IL1RAPL1: variants seen among roughly 807,000 people sequenced by gnomAD.
IL1RAPL1 encodes interleukin-1 receptor accessory protein-like 1.
In IL1RAPL1, 3 loss-of-function variants were observed where a neutral mutation model predicts 48.4. The ratio of observed to expected loss-of-function variants is 0.06; its 90% CI spans 0.03 to 0.16. The LOEUF is 0.16. Ranked by LOEUF, IL1RAPL1 falls within the 10% of genes least tolerant of loss-of-function variation. The pLI is 1.00. For synonymous variants in IL1RAPL1, 185 were observed against 187.7 expected (o/e 0.99, Z 0.12); for missense variants, 349 against 530.6 (o/e 0.66, Z 3.36).
intron 2 of IL1RAPL1, among the ~76,000 whole-genome samples, chrX:29,126,121 A>G (rs1319000418): frequency 1.8e-5 from 2 of 111,662 alleles, no homozygotes; most frequent in African/African-American, 3.3e-5. Context: ...TTCAAAGAAT[A>G]GCTAATTTTA....
intron 3 of IL1RAPL1, among the ~76,000 whole-genome samples, chrX:29,309,643 T>A (rs1449109731): frequency 9.1e-6 from 1 of 109,792 alleles, no homozygotes; most frequent in East Asian, 2.9e-4. Flanking sequence ...TGAAAACCCA[T>A]CTCTATTAAA....
chrX:29,633,774 A>G (rs1456149506), intron 5 of IL1RAPL1, among the ~76,000 whole-genome samples: 1 of 110,186 alleles, frequency 9.1e-6, no homozygotes, highest in Non-Finnish European at 1.9e-5. Context: ...TATCACTCCA[A>G]TCTTTGCCAC....
At chrX:29,647,063 C>G (rs1421544369) in intron 5 of IL1RAPL1, among the ~76,000 whole-genome samples, 1 of 112,315 alleles carries the variant, frequency 8.9e-6, no homozygotes, top group African/African-American at 3.2e-5. Context: ...ATTAAGAATA[C>G]TCTAGGCCGA....
chrX:29,922,500 C>G (rs1471500886), intron 8 of IL1RAPL1, among the ~76,000 whole-genome samples: 1 of 111,857 alleles, frequency 8.9e-6, no homozygotes, highest in African/African-American at 3.3e-5. Flanking sequence ...TTTAAGGGAG[C>G]TGCAGCAAAT....
intron 5 of IL1RAPL1, among the ~76,000 whole-genome samples, chrX:29,495,223 C>T (rs1165276372): frequency 4.5e-5 from 5 of 111,716 alleles, no homozygotes; most frequent in Non-Finnish European, 9.4e-5. Flanking sequence ...TTTTCAAATT[C>T]GGTTTGAAAA....
At chrX:29,222,562 C>A (rs1193411902) in intron 2 of IL1RAPL1, among the ~76,000 whole-genome samples, 1 of 111,901 alleles carries the variant, frequency 8.9e-6, no homozygotes, top group African/African-American at 3.2e-5. Flanking sequence ...AGTATTATTT[C>A]TCTTTTATTT....
chrX:29,465,703 T>C (rs948824969), intron 5 of IL1RAPL1, among the ~76,000 whole-genome samples: 1 of 111,365 alleles, frequency 9.0e-6, no homozygotes, highest in Admixed American at 9.6e-5. Flanking sequence ...ACAACTGATA[T>C]GTATTTCTTC....
At chrX:29,738,514 C>T (rs758127834) in intron 6 of IL1RAPL1, among the ~76,000 whole-genome samples, 39 of 91,881 alleles carry the variant, frequency 4.2e-4, no homozygotes, top group African/African-American at 1.6e-3. Flanking sequence ...GGTGTGATCT[C>T]GGCTCACTGC....
At chrX:28,831,416 A>C (rs936446908) in intron 2 of IL1RAPL1, among the ~76,000 whole-genome samples, 8 of 109,161 alleles carry the variant, frequency 7.3e-5, no homozygotes, top group African/African-American at 2.7e-4. Flanking sequence ...CTCATTGAGC[A>C]AATTCTGAGT....
intron 1 of IL1RAPL1, among the ~76,000 whole-genome samples, chrX:28,627,109 C>G (rs1934348211): frequency 9.0e-6 from 1 of 111,678 alleles, no homozygotes; most frequent in African/African-American, 3.3e-5. Context: ...TGAATTGTTC[C>G]CACATCAAAA....
At chrX:29,741,862 T>C (rs779132504) in intron 6 of IL1RAPL1, among the ~76,000 whole-genome samples, 1 of 101,461 alleles carries the variant, frequency 9.9e-6, no homozygotes, top group Non-Finnish European at 2.0e-5. Context: ...GAGATGAAGG[T>C]TGCAGTAGGC....
chrX:29,058,395 G>T (rs1242948860), intron 2 of IL1RAPL1, among the ~76,000 whole-genome samples: 2 of 111,037 alleles, frequency 1.8e-5, no homozygotes, highest in Non-Finnish European at 3.8e-5. Flanking sequence ...AAAAGGGGAA[G>T]AAAATACACT....
chrX:29,332,648 A>T (rs201010404), intron 3 of IL1RAPL1, among the ~76,000 whole-genome samples: 3 of 72,897 alleles, frequency 4.1e-5, no homozygotes, highest in South Asian at 5.5e-4. Flanking sequence ...TTATTTATTT[A>T]TTTTATTTTT....
chrX:29,138,353 C>T (rs1306751711), intron 2 of IL1RAPL1, among the ~76,000 whole-genome samples: 2 of 112,482 alleles, frequency 1.8e-5, no homozygotes, highest in Non-Finnish European at 1.9e-5. Flanking sequence ...TAACTCTCCA[C>T]TTGCTAATTT....
At chrX:29,790,599 G>A (rs925463325) in intron 6 of IL1RAPL1, among the ~76,000 whole-genome samples, 1 of 111,625 alleles carries the variant, frequency 9.0e-6, no homozygotes, top group Non-Finnish European at 1.9e-5. Flanking sequence ...AAATTAAACC[G>A]GATTTTAGAT....
intron 1 of IL1RAPL1, among the ~76,000 whole-genome samples, chrX:28,592,766 T>C (rs1342027272): frequency 2.7e-5 from 3 of 111,916 alleles, no homozygotes; most frequent in African/African-American, 9.7e-5. Flanking sequence ...AGCAACCTCC[T>C]CTTCGTAACT....
chrX:28,939,672 A>G (rs1382161685), intron 2 of IL1RAPL1, among the ~76,000 whole-genome samples: 1 of 111,450 alleles, frequency 9.0e-6, no homozygotes, highest in African/African-American at 3.2e-5. Context: ...GTACCCCTGT[A>G]CCTAAAATAA....
At chrX:29,567,233 A>G (rs145355813) in intron 5 of IL1RAPL1, among the ~76,000 whole-genome samples, 3,007 of 111,002 alleles carry the variant, frequency 0.027, 50 homozygotes, top group Non-Finnish European at 0.043. Flanking sequence ...AAAAAAGACA[A>G]TTAGAATGAC....
intron 5 of IL1RAPL1, among the ~76,000 whole-genome samples, chrX:29,470,862 G>A (rs907472751): frequency 2.7e-5 from 3 of 111,222 alleles, no homozygotes; most frequent in Admixed American, 9.6e-5. Context: ...TGAACTCCTG[G>A]CCTCAAGCAA....
Sources: gnomAD v4.1 joint callset for allele counts (sites outside exome capture counted in the v4.1 genomes callset) on GRCh38, gnomAD v4.1.1 for gene constraint, MANE v1.5 for transcripts, NCBI Gene and HGNC (gene_info 2026-07-23, HGNC 2026-07-21) for gene names.